SHC3: variants seen among roughly 807,000 people sequenced by gnomAD.
The protein encoded by SHC3 is SHC adaptor protein 3.
In SHC3, 15 loss-of-function variants were observed where a neutral mutation model predicts 60.4. The ratio of observed to expected loss-of-function variants is 0.25; its 90% CI spans 0.17 to 0.38. The LOEUF (loss-of-function observed/expected upper bound fraction) is 0.38, where lower values mean the gene tolerates loss of function less well. Ranked by LOEUF, SHC3 falls within the 10% of genes least tolerant of loss-of-function variation. SHC3 has a pLI of 1.00. For synonymous variants in SHC3, 294 were observed against 325.9 expected (o/e 0.90, Z 1.05); for missense variants, 677 against 786.1 (o/e 0.86, Z 1.66).
At chr9:89,158,554 G>C (rs1415447211) in intron 1 of SHC3, among the ~76,000 whole-genome samples, 1 of 152,084 alleles carries the variant, frequency 6.6e-6, no homozygotes, top group Non-Finnish European at 1.5e-5. Flanking sequence ...ATTTTGTTCA[G>C]CTTTTGTCCA....
At chr9:89,134,305 T>C (rs1826290354) in intron 1 of SHC3, among the ~76,000 whole-genome samples, 1 of 152,072 alleles carries the variant, frequency 6.6e-6, no homozygotes, top group African/African-American at 2.4e-5. Flanking sequence ...TTTGAACAAG[T>C]TGTGGAAAGT....
chr9:89,013,176 G>T lies in SHC3; in HGVS notation c.*271C>A. Reference sequence around the variant, plus strand: ...TTTTTCATTAAAAACATACAGCACAGAACATTAGTCTTACATCTTTCTTAG... The same window carrying T: ...TTTTTCATTAAAAACATACAGCACATAACATTAGTCTTACATCTTTCTTAG... On this transcript the variant is annotated 3_prime_UTR_variant, in exon 12 of 12. Transcript: ENST00000375835. The T allele has an allele frequency of 1.1e-5, 3 of 261,166 alleles. No individual in the cohort carries two copies. The East Asian group carries it at 2.2e-4, about 19-fold the overall frequency. The allele number at this position is 261,166 out of a possible 1,614,324, so 16.2% of individuals were successfully genotyped here.
Position 89,178,214 on chromosome 9 carries a change from C to T in SHC3, c.247G>A (p.Gly83Ser). ...HLKLSSSGLRGLSSAARERAG... is the reference protein window; with the variant it reads ...HLKLSSSGLRSLSSAARERAG... ...CGCTCCCGGGCGGCCGACGACAGGC[C>T]GCGGAGGCCCGAGCTGGAGAGTTTC... Residue 83 changes from glycine to serine, a missense_variant, in exon 1 of 12, where the codon GGC (glycine) becomes AGC (serine). Transcript: ENST00000375835. This position sits in a 1 kb window ranked among gnomAD's most constrained non-coding sequence, Gnocchi z 6.9. The T allele has an allele frequency of 1.4e-6, 2 of 1,438,964 alleles. No homozygotes were observed. Among genetic ancestry groups the T allele is most frequent in the East Asian group, 3.1e-5 (1 of 32,746 alleles). 89.1% of individuals were successfully genotyped at this position (1,438,964 alleles called of 1,614,324 possible).
chr9:89,059,370 C>T (rs1409797840), intron 6 of SHC3, among the ~76,000 whole-genome samples: 24 of 81,962 alleles, frequency 2.9e-4, no homozygotes, highest in African/African-American at 8.6e-4. Flanking sequence ...GTGGAGGATG[C>T]GGTGGAGGAC....
chr9:89,160,415 A>G (rs1826687636), intron 1 of SHC3, among the ~76,000 whole-genome samples: 2 of 152,150 alleles, frequency 1.3e-5, no homozygotes, highest in Non-Finnish European at 2.9e-5. Flanking sequence ...CCTTTTTAGA[A>G]CATAGATTTT....
At chr9:89,137,192 G>C (rs529834051) in intron 1 of SHC3, among the ~76,000 whole-genome samples, 2 of 152,054 alleles carry the variant, frequency 1.3e-5, no homozygotes, top group South Asian at 2.1e-4. Flanking sequence ...GAAATTTAGT[G>C]GGGGGACACA....
intron 2 of SHC3, among the ~76,000 whole-genome samples, chr9:89,078,695 G>A (rs1825400522): frequency 6.6e-6 from 1 of 152,160 alleles, no homozygotes; most frequent in Non-Finnish European, 1.5e-5. Context: ...TGCTGGAGAG[G>A]AAACACAGCT....
intron 5 of SHC3, 111 bp downstream of exon 5, chr9:89,071,088 G>A: frequency 1.1e-6 from 1 of 905,014 alleles, no homozygotes; most frequent in Non-Finnish European, 1.7e-6. Context: ...GAAATTAGTT[G>A]CCATCACAAT....
chr9:89,118,400 T>A (rs575361753), intron 1 of SHC3, among the ~76,000 whole-genome samples: 35 of 151,956 alleles, frequency 2.3e-4, no homozygotes, highest in African/African-American at 8.2e-4. Flanking sequence ...AGTGTTAGAG[T>A]TTAGATGCAT....
intron 1 of SHC3, among the ~76,000 whole-genome samples, chr9:89,155,506 T>A (rs1314817648): frequency 6.6e-6 from 1 of 152,138 alleles, no homozygotes; most frequent in Non-Finnish European, 1.5e-5. Context: ...CTCACAGGAC[T>A]GCTTCCAGCT....
At chr9:89,164,295 C>G (rs755931967) in intron 1 of SHC3, among the ~76,000 whole-genome samples, 1 of 152,076 alleles carries the variant, frequency 6.6e-6, no homozygotes, top group Non-Finnish European at 1.5e-5. Context: ...GCAGAGGGCA[C>G]CAGCTGTCTG....
At chr9:89,088,822 G>GA (rs1433877412) in intron 2 of SHC3, 1 of 152,612 alleles carries the variant, frequency 6.6e-6, no homozygotes, top group Non-Finnish European at 1.5e-5. Context: ...AGAGAGCACA[G>GA]AATTTCCAGC....
chr9:89,045,540 G>A (rs1184414968), intron 9 of SHC3, among the ~76,000 whole-genome samples: 1 of 152,154 alleles, frequency 6.6e-6, no homozygotes, highest in African/African-American at 2.4e-5. Context: ...TTCCCAAAGT[G>A]CTGGGATTAC....
At chr9:89,137,143 C>T (rs1314350192) in intron 1 of SHC3, among the ~76,000 whole-genome samples, 1 of 152,116 alleles carries the variant, frequency 6.6e-6, no homozygotes, top group Non-Finnish European at 1.5e-5. Flanking sequence ...TCACCTTGCA[C>T]CCGGTCCCTC....
chr9:89,148,708 G>A (rs1826504849), intron 1 of SHC3, among the ~76,000 whole-genome samples: 1 of 152,164 alleles, frequency 6.6e-6, no homozygotes, highest in South Asian at 2.1e-4. Context: ...CTTTTAAGCT[G>A]AATTTACCAC....
intron 1 of SHC3, among the ~76,000 whole-genome samples, chr9:89,166,589 C>T (rs916463777): frequency 1.3e-5 from 2 of 151,940 alleles, no homozygotes; most frequent in Admixed American, 1.3e-4. Context: ...GGAGGTCAGG[C>T]GGCAAAAGAA....
intron 5 of SHC3, among the ~76,000 whole-genome samples, chr9:89,068,560 G>A (rs564826384): frequency 1.7e-4 from 26 of 152,132 alleles, no homozygotes; most frequent in African/African-American, 4.3e-4. Flanking sequence ...AAGTAACTAG[G>A]CTTCCTGTCC....
chr9:89,026,453 T>C (rs1826304545), intron 11 of SHC3, among the ~76,000 whole-genome samples: 1 of 152,144 alleles, frequency 6.6e-6, no homozygotes, highest in Admixed American at 6.5e-5. Flanking sequence ...AGAAAATCTT[T>C]GAATCCACCT....
At chr9:89,050,478 A>G (rs886428030) in intron 7 of SHC3, among the ~76,000 whole-genome samples, 5 of 152,100 alleles carry the variant, frequency 3.3e-5, no homozygotes, top group Middle Eastern at 3.4e-3. Context: ...TAGAGACGGG[A>G]TTTCACTCTG....
Sources: allele counts gnomAD v4.1 joint callset (sites outside exome capture counted in the v4.1 genomes callset), GRCh38; gene constraint gnomAD v4.1.1; non-coding constraint Gnocchi (gnomAD v3.1); transcripts MANE v1.5; gene names NCBI Gene and HGNC (gene_info 2026-07-23, HGNC 2026-07-21).